ZC3H4: variants seen among roughly 807,000 people sequenced by gnomAD.
ZC3H4 encodes zinc finger CCCH-type containing 4.
Under a neutral mutation model 108.3 loss-of-function variants are expected in ZC3H4, and 13 were observed. The observed-to-expected ratio is 0.12, with a 90% CI of 0.08 to 0.19. The LOEUF (loss-of-function observed/expected upper bound fraction) is 0.19, where lower values mean the gene tolerates loss of function less well. Ranked by LOEUF, ZC3H4 falls within the 10% of genes least tolerant of loss-of-function variation. The probability of loss-of-function intolerance (pLI) is 1.00; values close to 1 mark genes in which losing one functional copy is unlikely to be tolerated. For missense variants in ZC3H4, 1,734 were observed against 1,838.8 expected (o/e 0.94, Z 1.04); for synonymous variants, 917 against 749.6 (o/e 1.22, Z -3.65).
intron 5 of ZC3H4, among the ~76,000 whole-genome samples, chr19:47,089,301 G>A (rs2057689763): frequency 1.3e-5 from 2 of 151,888 alleles, no homozygotes; most frequent in South Asian, 2.1e-4. Context: ...CCCTGCACTG[G>A]AAGATTCCAG....
Position 47,090,203 on chromosome 19 carries a change from A to AT in ZC3H4, c.493-15dup. 2 of 1,613,754 alleles carry AT rather than the reference A, an allele frequency of 1.2e-6. No homozygotes were observed. The highest frequency in any genetic ancestry group is 1.7e-6 in the Non-Finnish European group (2 of 1,179,842). ...CTGCTGGTGGGACTGCGTCCCAGAG[A>AT]TGGGGAAAAGAGGTGAGCCGGATCC... On this transcript the variant is annotated splice_polypyrimidine_tract_variant and intron_variant, in intron 4 of 14. Transcript: ENST00000253048.
intron 2 of ZC3H4, among the ~76,000 whole-genome samples, chr19:47,098,877 C>T (rs1362352490): frequency 1.3e-5 from 2 of 152,212 alleles, no homozygotes; most frequent in Non-Finnish European, 2.9e-5. Flanking sequence ...CCTCATGCTC[C>T]TTTCTGCAGA....
At position 47,090,204 on chromosome 19, in the gene ZC3H4, T is replaced by C. The variant is rs1445082033; in HGVS notation, c.493-15A>G. ...TGCTGGTGGGACTGCGTCCCAGAGA[T>C]GGGGAAAAGAGGTGAGCCGGATCCC... On this transcript the variant is annotated splice_polypyrimidine_tract_variant and intron_variant, in intron 4 of 14. Coordinates refer to ENST00000253048, the MANE Select transcript of ZC3H4 (RefSeq NM_015168.2). The C allele has an allele frequency of 1.2e-6, 2 of 1,613,656 alleles. No individual in the cohort carries two copies. Among genetic ancestry groups the C allele is most frequent in the Non-Finnish European group, 1.7e-6 (2 of 1,179,888 alleles).
Position 47,066,574 on chromosome 19 carries a change from TGGCAGCGGG to T in ZC3H4, c.3685_3693del (p.Pro1229_Ala1231del). On this transcript the variant is annotated inframe_deletion, in exon 15 of 15. Transcript: ENST00000253048. ...CCCTCGGGGGGTGGGGTGGCGGTGGTGGCAGCGGGGGCTGCAGCAGCCTTGGGCCGGGGC... is the reference window on the plus strand; with the variant it reads ...CCCTCGGGGGGTGGGGTGGCGGTGGTGGCTGCAGCAGCCTTGGGCCGGGGC... 6.3e-7 allele frequency: 1 copy of T among 1,586,100 alleles called. No homozygotes were observed.
At position 47,066,570 on chromosome 19, in the gene ZC3H4, G is replaced by C. The variant is rs1599948641; in HGVS notation, c.3698C>G (p.Thr1233Ser). 1 of 1,585,152 alleles carries C rather than the reference G, an allele frequency of 6.3e-7. No individual in the cohort carries two copies. The highest frequency in any genetic ancestry group is 8.6e-7 in the Non-Finnish European group (1 of 1,165,254). Residue 1233 changes from threonine (T) to serine (S), a missense_variant, in exon 15 of 15, where the codon ACC (threonine) becomes AGC (serine). By Grantham distance (58) the Thr-to-Ser change is moderately conservative (BLOSUM62 1). This residue lies in a region of ZC3H4 where 518 missense variants were observed against 499.6 expected (regional missense o/e 1.04). Coordinates refer to ENST00000253048, the MANE Select transcript of ZC3H4 (RefSeq NM_015168.2). Reference sequence around the variant, plus strand: ...GGCACCCTCGGGGGGTGGGGTGGCGGTGGTGGCAGCGGGGGCTGCAGCAGC... The same window carrying C: ...GGCACCCTCGGGGGGTGGGGTGGCGCTGGTGGCAGCGGGGGCTGCAGCAGC... ...PKAAAAPAAT[T>S]ATPPPEGAPP... is the part of the protein sequence containing the mutation.
chr19:47,072,511 G>A lies in ZC3H4; in HGVS notation c.1643C>T (p.Pro548Leu), dbSNP rs2057349039. 2.9e-6 allele frequency: 4 copies of A among 1,377,980 alleles called. No individual in the cohort carries two copies. Among genetic ancestry groups the A allele is most frequent in the Admixed American group, 2.1e-5 (1 of 46,654 alleles). The allele number at this position is 1,377,980 out of a possible 1,614,324, so 85.4% of individuals were successfully genotyped here. Residue 548 changes from proline to leucine, a missense_variant, in exon 12 of 15, where the codon CCT becomes CTT. Physicochemically the swap from Pro to Leu is moderately conservative, Grantham distance 98. Around this residue, in one of 9 missense-constraint regions of ZC3H4, gnomAD observed 75 missense variants for 85.8 expected, o/e 0.87. Transcript: ENST00000253048. This position sits in a 1 kb window ranked among gnomAD's most constrained non-coding sequence, Gnocchi z 5.6. Reference protein sequence around the residue: ...QGGPPPPPPPPPPPPGPPQMP... With the variant: ...QGGPPPPPPPLPPPPGPPQMP... Reference sequence around the variant, plus strand: ...CTGAGGGGGCCCGGGCGGTGGGGGAGGGGGAGGGGGCGGGGGCGGGGGGCC... The same window carrying A: ...CTGAGGGGGCCCGGGCGGTGGGGGAAGGGGAGGGGGCGGGGGCGGGGGGCC...
chr19:47,113,268 G>C (rs967001654), intron 1 of ZC3H4: 5 of 153,190 alleles, frequency 3.3e-5, no homozygotes, highest in African/African-American at 4.8e-5. Flanking sequence ...CGAAGGCAAA[G>C]GGCGAGGCCG....
chr19:47,110,637 A>G (rs1243342323), intron 2 of ZC3H4, among the ~76,000 whole-genome samples: 1 of 152,220 alleles, frequency 6.6e-6, no homozygotes, highest in African/African-American at 2.4e-5. Flanking sequence ...GAGGCTACTT[A>G]CCATCCCAAC....
intron 5 of ZC3H4, among the ~76,000 whole-genome samples, chr19:47,089,230 A>AAT (rs2057688349): frequency 1.3e-5 from 2 of 149,514 alleles, no homozygotes; most frequent in African/African-American, 4.9e-5. Context: ...AAAAAAAAAA[A>AAT]GAATGAATGA....
chr19:47,111,020 G>T, intron 2 of ZC3H4: 1 of 696,198 alleles, frequency 1.4e-6, no homozygotes. Flanking sequence ...GTACAGCCTG[G>T]CAAGGGAAGC....
chr19:47,072,461 G>C lies in ZC3H4; in HGVS notation c.1693C>G (p.Leu565Val). 6.3e-7 allele frequency: 1 copy of C among 1,599,946 alleles called. No homozygotes were observed. The highest frequency in any genetic ancestry group is 1.1e-5 in the South Asian group (1 of 89,672). ...TGCTGCTGCAGCTGCTGCGGGGACA[G>C]TGGCTCATGCACCGGCATGGGCATC... ...PQMPMPVHEP[L>V]SPQQLQQQDM... The change falls in exon 12 of 15, where the codon CTG becomes GTG. Residue 565 changes from leucine to valine, a missense_variant. Leu to Val is a conservative substitution (Grantham distance 32). Coordinates refer to ENST00000253048, the MANE Select transcript of ZC3H4 (RefSeq NM_015168.2). This position sits in a 1 kb window ranked among gnomAD's most constrained non-coding sequence, Gnocchi z 5.6.
Position 47,092,360 on chromosome 19 carries a change from C to T in ZC3H4, c.492+1610G>A, listed in dbSNP as rs548492464. Among the ~76,000 whole-genome samples the T allele has an allele frequency of 1.7e-4, 26 of 152,316 alleles. No individual in the cohort carries two copies. In the South Asian group the frequency reaches 4.1e-3, roughly 24 times the overall value. On this transcript the variant is annotated intron_variant, in intron 4 of 14. Transcript: ENST00000253048. ...CTCCAGCTCTAGTTCATAAAAAGCA[C>T]GCAATGTTCCCTCCATTTCCTGCCT...
intron 3 of ZC3H4, 22 bp downstream of exon 3, chr19:47,094,367 T>A (rs1187672602): frequency 2.0e-5 from 33 of 1,612,736 alleles, no homozygotes; most frequent in Admixed American, 6.7e-5. Flanking sequence ...GCAGTGGCAG[T>A]CCCAGGGGAT....
In ZC3H4 at chr19:47,094,451, G is replaced by A. The variant is rs778721102; in HGVS notation, c.319C>T (p.Arg107Trp). Residue 107 changes from arginine (R) to tryptophan (W), a missense_variant, in exon 3 of 15, where the codon CGG (arginine) becomes TGG (tryptophan). Arg to Trp is a moderately radical substitution (Grantham distance 101). Coordinates refer to ENST00000253048, the MANE Select transcript of ZC3H4 (RefSeq NM_015168.2). ...EKSHRRLKRK[R>W]KKEREKEKRR... Reference sequence around the variant, plus strand: ...TTCTCTTTCTCCCGCTCTTTCTTCCGTTTCCGCTTCAGTCTCCTGTGGGAC... The same window carrying A: ...TTCTCTTTCTCCCGCTCTTTCTTCCATTTCCGCTTCAGTCTCCTGTGGGAC... 3.1e-6 allele frequency: 5 copies of A among 1,614,066 alleles called. No homozygotes were observed. The highest frequency in any genetic ancestry group is 4.2e-6 in the Non-Finnish European group (5 of 1,180,014).
At chr19:47,079,957 G>A (rs1054305263) in intron 11 of ZC3H4, among the ~76,000 whole-genome samples, 5 of 152,118 alleles carry the variant, frequency 3.3e-5, no homozygotes, top group Non-Finnish European at 5.9e-5. Context: ...TCCTACAGGC[G>A]CCCTGCCAAC....
chr19:47,097,733 C>G (rs749559970), intron 2 of ZC3H4, among the ~76,000 whole-genome samples: 1 of 152,140 alleles, frequency 6.6e-6, no homozygotes, highest in Non-Finnish European at 1.5e-5. Flanking sequence ...TAATAGACCT[C>G]GACATAATCC....
chr19:47,109,499 G>T (rs186320157), intron 2 of ZC3H4, among the ~76,000 whole-genome samples: 3 of 152,176 alleles, frequency 2.0e-5, no homozygotes, highest in Non-Finnish European at 4.4e-5. Context: ...CAAAGGATGG[G>T]AAACTTCAAA....
At chr19:47,088,288 C>G (rs1476406737) in intron 5 of ZC3H4, among the ~76,000 whole-genome samples, 1 of 152,104 alleles carries the variant, frequency 6.6e-6, no homozygotes, top group Non-Finnish European at 1.5e-5. Context: ...TGGCTCACGC[C>G]TGTAATCCCA....
chr19:47,080,928 C>T (rs1043128474), intron 11 of ZC3H4, among the ~76,000 whole-genome samples: 3 of 152,042 alleles, frequency 2.0e-5, no homozygotes, highest in African/African-American at 4.8e-5. Context: ...CCACCACACT[C>T]GGTTAAGTTT....
Sources: allele counts gnomAD v4.1 joint callset (sites outside exome capture counted in the v4.1 genomes callset), GRCh38; gene constraint gnomAD v4.1.1; regional missense constraint gnomAD v4.1.1; non-coding constraint Gnocchi (gnomAD v3.1); transcripts MANE v1.5; gene names NCBI Gene and HGNC (gene_info 2026-07-23, HGNC 2026-07-21).